Variants in AFF1 observed in about 807,000 individuals in gnomAD.
The protein encoded by AFF1 is AF4/FMR2 family member 1.
Under a neutral mutation model 121.7 loss-of-function variants are expected in AFF1, and 48 were observed. The ratio of observed to expected loss-of-function variants is 0.39; its 90% CI spans 0.31 to 0.50. AFF1 has a LOEUF of 0.50. Among genes scored for constraint, AFF1 ranks in the 20% least tolerant of loss-of-function variants. The pLI is 0.76. For synonymous variants in AFF1, 613 were observed against 563.0 expected (o/e 1.09, Z -1.26); for missense variants, 1,523 against 1,511.7 (o/e 1.01, Z -0.12).
intron 2 of AFF1, among the ~76,000 whole-genome samples, chr4:86,987,617 G>C (rs1477345381): frequency 6.6e-6 from 1 of 152,100 alleles, no homozygotes; most frequent in Non-Finnish European, 1.5e-5. Flanking sequence ...GTAATGATTT[G>C]GCACACCACC....
At chr4:86,995,581 C>G (rs1217471893) in intron 2 of AFF1, among the ~76,000 whole-genome samples, 30 of 151,978 alleles carry the variant, frequency 2.0e-4, no homozygotes, top group African/African-American at 6.3e-4. Context: ...CCCGAGGTGC[C>G]GGGATTGCAG....
At chr4:86,951,593 CT>C (rs1280148890) in intron 2 of AFF1, among the ~76,000 whole-genome samples, 9 of 134,704 alleles carry the variant, frequency 6.7e-5, no homozygotes, top group East Asian at 4.1e-4. Flanking sequence ...TGTTAGGGAA[CT>C]TTTTTTTCTT....
At chr4:87,105,049 T>C (rs906151506) in intron 8 of AFF1, among the ~76,000 whole-genome samples, 2 of 152,244 alleles carry the variant, frequency 1.3e-5, no homozygotes, top group Non-Finnish European at 2.9e-5. Context: ...AACTGCACTG[T>C]TGGGTGATGT....
chr4:87,015,730 G>A (rs1263248809), intron 2 of AFF1, among the ~76,000 whole-genome samples: 2 of 152,062 alleles, frequency 1.3e-5, no homozygotes, highest in African/African-American at 4.8e-5. Flanking sequence ...AAATCATTAG[G>A]TTTACTTAAT....
At position 87,114,863 on chromosome 4, in the gene AFF1, A is replaced by T. The variant is rs377041113; in HGVS notation, c.2030A>T (p.Lys677Met). ...KPAVPPSSEKKKHKSSLPAPS... is the reference protein window; with the variant it reads ...KPAVPPSSEKMKHKSSLPAPS... ...GCAGTGCCCCCCTCCAGTGAGAAGAAGAAGCACAAGAGCTCCCTCCCTGCC... is the reference window on the plus strand; with the variant it reads ...GCAGTGCCCCCCTCCAGTGAGAAGATGAAGCACAAGAGCTCCCTCCCTGCC... Residue 677 changes from lysine (K) to methionine (M), a missense_variant, in exon 12 of 21, where the codon AAG (lysine) becomes ATG (methionine). This residue lies in a region of AFF1 where 905 missense variants were observed against 842.5 expected (regional missense o/e 1.07). Coordinates refer to ENST00000395146, the MANE Select transcript of AFF1 (RefSeq NM_001166693.3). The T allele has an allele frequency of 1.0e-4, 167 of 1,613,944 alleles. 8 individuals are homozygous for T. The highest frequency in any genetic ancestry group is 6.2e-4 in the Admixed American group (37 of 60,006).
intron 4 of AFF1, among the ~76,000 whole-genome samples, chr4:87,054,969 G>A (rs768171986): frequency 6.6e-6 from 1 of 152,140 alleles, no homozygotes; most frequent in African/African-American, 2.4e-5. Context: ...TATTGGCTGA[G>A]TAGAGGCAAT....
intron 2 of AFF1, among the ~76,000 whole-genome samples, chr4:87,012,603 C>T (rs1205520173): frequency 1.3e-5 from 2 of 152,092 alleles, no homozygotes. Context: ...TTCAGATGGT[C>T]CTCAATTCAT....
At chr4:87,048,505 A>G (rs1730951362) in intron 4 of AFF1, among the ~76,000 whole-genome samples, 13 of 152,204 alleles carry the variant, frequency 8.5e-5, no homozygotes. Flanking sequence ...CTTTTAATGT[A>G]AAGTCTATGG....
intron 2 of AFF1, chr4:87,020,807 AGTCATCATTGTTAACGTC>A: frequency 1.0e-6 from 1 of 985,394 alleles, no homozygotes; most frequent in Non-Finnish European, 1.2e-6. Context: ...ATGCACAGGT[AGTCATCATTGTTAACGTC>A]GTCTTTTCAA....
chr4:87,007,095 G>A, intron 2 of AFF1: 1 of 1,249,760 alleles, frequency 8.0e-7, no homozygotes, highest in Middle Eastern at 3.1e-4. Flanking sequence ...TCCCTTCTCA[G>A]AAACTGCGCC....
chr4:87,029,259 T>G (rs1040514925), intron 2 of AFF1, among the ~76,000 whole-genome samples: 4 of 152,256 alleles, frequency 2.6e-5, no homozygotes, highest in Non-Finnish European at 2.9e-5. Flanking sequence ...GGAAACAAGG[T>G]CTCCCTGAGT....
chr4:87,100,304 C>T (rs1725297085), intron 8 of AFF1, among the ~76,000 whole-genome samples: 1 of 152,146 alleles, frequency 6.6e-6, no homozygotes, highest in Non-Finnish European at 1.5e-5. Context: ...TGCCTCCTAG[C>T]AAGGGCCTCC....
intron 2 of AFF1, among the ~76,000 whole-genome samples, chr4:87,010,867 T>G (rs1435131654): frequency 2.0e-5 from 3 of 151,942 alleles, no homozygotes; most frequent in Admixed American, 6.6e-5. Flanking sequence ...GGCAGGCGGA[T>G]CACGAGGTTA....
chr4:87,105,738 C>G, intron 9 of AFF1, 56 bp downstream of exon 9: 2 of 1,613,452 alleles, frequency 1.2e-6, no homozygotes, highest in Non-Finnish European at 1.7e-6. Context: ...TCTAACAGAT[C>G]TGAGCTGCTT....
At chr4:86,953,754 T>C (rs1457474478) in intron 2 of AFF1, among the ~76,000 whole-genome samples, 1 of 152,070 alleles carries the variant, frequency 6.6e-6, no homozygotes, top group Non-Finnish European at 1.5e-5. Flanking sequence ...AGTTTTGCTC[T>C]TGTCGCCCAG....
chr4:87,108,129 T>G (rs1460844240), intron 10 of AFF1, 30 bp from the exon 11 acceptor site: 2 of 1,609,094 alleles, frequency 1.2e-6, no homozygotes, highest in South Asian at 1.1e-5. Context: ...GTATCGTGCC[T>G]TCTAATTTTA....
chr4:87,033,410 A>C (rs1273621903), intron 2 of AFF1, among the ~76,000 whole-genome samples: 1 of 152,170 alleles, frequency 6.6e-6, no homozygotes, highest in African/African-American at 2.4e-5. Context: ...GTTCTCTGGA[A>C]TGTGTGCGTT....
intron 1 of AFF1, among the ~76,000 whole-genome samples, chr4:86,944,633 G>A (rs541022666): frequency 2.0e-5 from 3 of 152,176 alleles, no homozygotes; most frequent in East Asian, 1.9e-4. Context: ...CAGCCGCGGC[G>A]CCCAGCCTCG....
At chr4:87,132,464 T>C (rs1218215749) in intron 19 of AFF1, 56 bp downstream of exon 19, 3 of 1,535,944 alleles carry the variant, frequency 2.0e-6, no homozygotes, top group Non-Finnish European at 2.6e-6. Context: ...CTTTATTTAC[T>C]TCTTGCTTTT....
Sources: allele counts gnomAD v4.1 joint callset (sites outside exome capture counted in the v4.1 genomes callset), GRCh38; gene constraint gnomAD v4.1.1; regional missense constraint gnomAD v4.1.1; transcripts MANE v1.5; gene names NCBI Gene and HGNC (gene_info 2026-07-23, HGNC 2026-07-21).